Variants in AUTS2 observed in about 807,000 individuals in gnomAD.
AUTS2 encodes the protein activator of transcription and developmental regulator AUTS2, also known as autism susceptibility gene 2 protein.
AUTS2 carries 17 observed loss-of-function variants against 112.4 expected under a neutral mutation model. The observed-to-expected ratio is 0.15, with a 90% CI of 0.10 to 0.23. The LOEUF is 0.23. AUTS2 is among the 10% of genes least tolerant of loss of function. The probability of loss-of-function intolerance (pLI) is 1.00; values close to 1 mark genes in which losing one functional copy is unlikely to be tolerated. For missense variants in AUTS2, 1,510 were observed against 1,701.6 expected (o/e 0.89, Z 1.98); for synonymous variants, 751 against 702.7 (o/e 1.07, Z -1.09).
chr7:70,751,367 T>C (rs1329680151), intron 6 of AUTS2, among the ~76,000 whole-genome samples: 1 of 152,240 alleles, frequency 6.6e-6, no homozygotes, highest in Non-Finnish European at 1.5e-5. Flanking sequence ...GCCTGTATCT[T>C]TATTTTATTC....
Position 69,713,368 on chromosome 7 carries a change from C to T in AUTS2, c.309+113406C>T, listed in dbSNP as rs552318620. Among the ~76,000 whole-genome samples the T allele has an allele frequency of 4.0e-5, 6 of 151,600 alleles. 1 individual carries two copies. The South Asian group carries it at 8.3e-4, about 21-fold the overall frequency. On this transcript the variant is annotated intron_variant, in intron 1 of 18. Transcript: ENST00000342771. ...CAAGAGAACACCAGAAATTATTCCT[C>T]CTATCTGTAATCTTGTACCTGTTGA... is the stretch of plus-strand genomic sequence containing the variant.
chr7:70,339,590 C>T (rs1791163419), intron 4 of AUTS2, among the ~76,000 whole-genome samples: 1 of 152,188 alleles, frequency 6.6e-6, no homozygotes, highest in Admixed American at 6.5e-5. Flanking sequence ...TGAAACCTTG[C>T]TTCTTGACCA....
intron 1 of AUTS2, among the ~76,000 whole-genome samples, chr7:69,674,776 G>C (rs1796482756): frequency 6.6e-6 from 1 of 152,142 alleles, no homozygotes; most frequent in African/African-American, 2.4e-5. Flanking sequence ...TTCCTCTGGT[G>C]TGGCCTGTGT....
At chr7:69,796,673 A>G (rs1157982736) in intron 1 of AUTS2, among the ~76,000 whole-genome samples, 2 of 152,198 alleles carry the variant, frequency 1.3e-5, no homozygotes, top group African/African-American at 4.8e-5. Flanking sequence ...TTGTGGGAAT[A>G]TGTACAGACA....
At chr7:70,004,384 ATT>A (rs1799439073) in intron 2 of AUTS2, among the ~76,000 whole-genome samples, 1 of 120,820 alleles carries the variant, frequency 8.3e-6, no homozygotes, top group Admixed American at 1.0e-4. Context: ...TCATATATAT[ATT>A]ATATATATGA....
At chr7:69,867,674 C>G (rs1419112118) in intron 1 of AUTS2, among the ~76,000 whole-genome samples, 3 of 152,096 alleles carry the variant, frequency 2.0e-5, no homozygotes, top group African/African-American at 7.2e-5. Flanking sequence ...ACTTGTTTTT[C>G]CTTATTTTTG....
chr7:69,668,450 AAAG>A (rs1413909343), intron 1 of AUTS2, among the ~76,000 whole-genome samples: 12 of 152,334 alleles, frequency 7.9e-5, no homozygotes, highest in African/African-American at 2.9e-4. Flanking sequence ...CACATTACTG[AAAG>A]AAGGAGGGAA....
At chr7:70,601,216 G>A (rs189254307) in intron 5 of AUTS2, among the ~76,000 whole-genome samples, 2 of 152,324 alleles carry the variant, frequency 1.3e-5, no homozygotes, top group Admixed American at 1.3e-4. Flanking sequence ...AGCCATTCTA[G>A]TGAATGTGAA....
At chr7:70,428,751 G>A (rs931765260) in intron 4 of AUTS2, among the ~76,000 whole-genome samples, 8 of 152,128 alleles carry the variant, frequency 5.3e-5, no homozygotes, top group African/African-American at 9.7e-5. Context: ...AGAGAGCAAT[G>A]CCCTCCTCAA....
intron 1 of AUTS2, among the ~76,000 whole-genome samples, chr7:69,805,902 T>TA (rs1790279643): frequency 6.7e-6 from 1 of 148,490 alleles, no homozygotes; most frequent in Non-Finnish European, 1.5e-5. Flanking sequence ...GTTTAATTTT[T>TA]GTTTTTTGTT....
intron 1 of AUTS2, among the ~76,000 whole-genome samples, chr7:69,648,844 G>A (rs1011789125): frequency 6.6e-6 from 1 of 152,020 alleles, no homozygotes; most frequent in Non-Finnish European, 1.5e-5. Flanking sequence ...AATGCCTTGA[G>A]TTCCTTGGGG....
chr7:70,346,267 G>T (rs1450203271), intron 4 of AUTS2, among the ~76,000 whole-genome samples: 2 of 152,088 alleles, frequency 1.3e-5, no homozygotes, highest in Admixed American at 6.6e-5. Context: ...ATACTCAGGA[G>T]ATTATTTTTA....
chr7:70,408,581 G>A lies in AUTS2; in HGVS notation c.661-27171G>A, dbSNP rs867480410. Among the ~76,000 whole-genome samples the A allele has an allele frequency of 2.6e-5, 4 of 152,264 alleles. 1 individual carries two copies. Among genetic ancestry groups the A allele is most frequent in the Middle Eastern group, 3.4e-3 (1 of 294 alleles). On this transcript the variant is annotated intron_variant, in intron 4 of 18. Coordinates refer to ENST00000342771, the MANE Select transcript of AUTS2 (RefSeq NM_015570.4). ...GCTTACAGCACCTGGTGCATTCTGG[G>A]TGCTCAGCATACAATCCCTGATAAT...
At chr7:69,984,088 A>C (rs1220834635) in intron 2 of AUTS2, among the ~76,000 whole-genome samples, 1 of 152,184 alleles carries the variant, frequency 6.6e-6, no homozygotes. Context: ...TTCAGATTGT[A>C]GAGCTGTCAG....
At chr7:69,959,050 T>G (rs768826380) in intron 2 of AUTS2, among the ~76,000 whole-genome samples, 3 of 152,146 alleles carry the variant, frequency 2.0e-5, no homozygotes, top group Non-Finnish European at 4.4e-5. Context: ...TTGTCTCAAA[T>G]TTTGCCCGTT....
chr7:70,098,577 A>G (rs1804317980), intron 2 of AUTS2, among the ~76,000 whole-genome samples: 1 of 152,040 alleles, frequency 6.6e-6, no homozygotes, highest in Non-Finnish European at 1.5e-5. Flanking sequence ...TCAAAGGGGG[A>G]AAAAATAAAA....
chr7:70,060,760 T>TA (rs1237521111), intron 2 of AUTS2, among the ~76,000 whole-genome samples: 4 of 152,228 alleles, frequency 2.6e-5, no homozygotes, highest in Non-Finnish European at 5.9e-5. Flanking sequence ...TAAATCGTGC[T>TA]AGGCCATGCA....
intron 1 of AUTS2, among the ~76,000 whole-genome samples, chr7:69,852,717 T>C (rs1394115739): frequency 2.0e-5 from 3 of 152,150 alleles, no homozygotes; most frequent in Admixed American, 6.5e-5. Context: ...CCTCCCAAAG[T>C]GCTGGGATTA....
intron 1 of AUTS2, among the ~76,000 whole-genome samples, chr7:69,810,902 A>AT (rs754411025): frequency 4.6e-5 from 7 of 152,210 alleles, no homozygotes; most frequent in African/African-American, 7.2e-5. Context: ...CTAATTCTAC[A>AT]TTTACAGCAT....
Sources: gnomAD v4.1 joint callset for allele counts (sites outside exome capture counted in the v4.1 genomes callset) on GRCh38, gnomAD v4.1.1 for gene constraint, MANE v1.5 for transcripts, NCBI Gene and HGNC (gene_info 2026-07-23, HGNC 2026-07-21) for gene names.